Variants in ELAPOR2 observed in about 807,000 individuals in gnomAD.
ELAPOR2 encodes endosome-lysosome associated apoptosis and autophagy regulator family member 2, also known as endosome/lysosome-associated apoptosis and autophagy regulator family member 2.
A neutral mutation model predicts 120.7 loss-of-function variants in ELAPOR2; 89 were observed. That is an observed-to-expected ratio of 0.74 (90% CI 0.62 to 0.88). ELAPOR2 has a LOEUF of 0.88. ELAPOR2 is among the 40% of genes least tolerant of loss of function. The probability of loss-of-function intolerance (pLI) is 0.00; values close to 1 mark genes in which losing one functional copy is unlikely to be tolerated. For synonymous variants in ELAPOR2, 444 were observed against 444.9 expected (o/e 1.00, Z 0.03); for missense variants, 1,134 against 1,251.6 (o/e 0.91, Z 1.42).
At chr7:86,982,368 C>T (rs1356840209) in intron 1 of ELAPOR2, among the ~76,000 whole-genome samples, 1 of 152,208 alleles carries the variant, frequency 6.6e-6, no homozygotes, top group Admixed American at 6.5e-5. Context: ...CAAGTGGGTC[C>T]CTGACCTCCG....
chr7:86,948,302 C>T (rs1791088650), intron 2 of ELAPOR2, among the ~76,000 whole-genome samples: 1 of 152,206 alleles, frequency 6.6e-6, no homozygotes, highest in Non-Finnish European at 1.5e-5. Context: ...GCCCAATGGG[C>T]AGTCAGTTGT....
chr7:87,001,307 T>G (rs1793308115), intron 1 of ELAPOR2, among the ~76,000 whole-genome samples: 1 of 152,186 alleles, frequency 6.6e-6, no homozygotes, highest in Non-Finnish European at 1.5e-5. Context: ...TGTTCAGGAC[T>G]CTGGGATGAA....
At chr7:87,030,662 T>A (rs1794396065) in intron 1 of ELAPOR2, among the ~76,000 whole-genome samples, 1 of 152,092 alleles carries the variant, frequency 6.6e-6, no homozygotes. Flanking sequence ...AGTAGCTGAG[T>A]CTCAAATCAC....
At chr7:87,029,214 G>C (rs1794350202) in intron 1 of ELAPOR2, among the ~76,000 whole-genome samples, 3 of 152,106 alleles carry the variant, frequency 2.0e-5, no homozygotes, top group Admixed American at 2.0e-4. Flanking sequence ...CCGGTAACTA[G>C]GCCAGGGGTA....
intron 2 of ELAPOR2, among the ~76,000 whole-genome samples, chr7:86,963,054 C>T (rs1350187231): frequency 2.0e-5 from 3 of 152,144 alleles, no homozygotes; most frequent in Admixed American, 6.5e-5. Context: ...TAAGGGAATA[C>T]TTGGAAATTC....
intron 2 of ELAPOR2, among the ~76,000 whole-genome samples, chr7:86,955,289 T>C (rs1409188337): frequency 6.6e-6 from 1 of 152,154 alleles, no homozygotes; most frequent in East Asian, 1.9e-4. Flanking sequence ...AGTCAAACAG[T>C]ACATTAAAAC....
chr7:86,969,795 G>A (rs1208514890), intron 1 of ELAPOR2, among the ~76,000 whole-genome samples: 1 of 152,182 alleles, frequency 6.6e-6, no homozygotes, highest in African/African-American at 2.4e-5. Context: ...AGTAGAGTAT[G>A]TGCGGAAGAG....
chr7:86,958,330 G>A (rs954817438), intron 2 of ELAPOR2, among the ~76,000 whole-genome samples: 2 of 152,080 alleles, frequency 1.3e-5, no homozygotes, highest in African/African-American at 4.8e-5. Context: ...AATGAATGCA[G>A]GTAAAGCATT....
intron 21 of ELAPOR2, among the ~76,000 whole-genome samples, chr7:86,884,562 G>T (rs1214438811): frequency 6.6e-6 from 1 of 152,118 alleles, no homozygotes; most frequent in Non-Finnish European, 1.5e-5. Flanking sequence ...ATTTAAGTAT[G>T]CTTGAATTTT....
intron 17 of ELAPOR2, among the ~76,000 whole-genome samples, chr7:86,908,084 T>C (rs983941232): frequency 1.3e-5 from 2 of 151,858 alleles, no homozygotes; most frequent in Non-Finnish European, 2.9e-5. Flanking sequence ...TGCTTTGATA[T>C]ATGAATTATA....
intron 1 of ELAPOR2, among the ~76,000 whole-genome samples, chr7:87,051,397 A>G (rs1795099202): frequency 6.6e-6 from 1 of 152,238 alleles, no homozygotes; most frequent in African/African-American, 2.4e-5. Context: ...TTTTGTAAGT[A>G]AACAAATTTA....
At chr7:86,996,990 T>C (rs1249263923) in intron 1 of ELAPOR2, among the ~76,000 whole-genome samples, 2 of 152,188 alleles carry the variant, frequency 1.3e-5, no homozygotes, top group Non-Finnish European at 2.9e-5. Flanking sequence ...AGTCACAAAT[T>C]TACCTGTAGG....
intron 1 of ELAPOR2, among the ~76,000 whole-genome samples, chr7:87,018,382 CTAGA>C (rs2116690614): frequency 6.6e-6 from 1 of 152,222 alleles, no homozygotes; most frequent in Non-Finnish European, 1.5e-5. Flanking sequence ...AGAAAAAATG[CTAGA>C]TACTCACATA....
At chr7:87,016,754 G>A (rs1388410328) in intron 1 of ELAPOR2, among the ~76,000 whole-genome samples, 2 of 151,332 alleles carry the variant, frequency 1.3e-5, no homozygotes, top group African/African-American at 4.8e-5. Context: ...ACTACACAAC[G>A]TGGGTTCTGA....
intron 1 of ELAPOR2, among the ~76,000 whole-genome samples, chr7:86,972,322 G>C (rs1402846029): frequency 6.6e-6 from 1 of 152,104 alleles, no homozygotes; most frequent in Non-Finnish European, 1.5e-5. Flanking sequence ...ATCTGATTGG[G>C]AACCCGGGCA....
At chr7:87,029,165 A>G (rs1252904540) in intron 1 of ELAPOR2, among the ~76,000 whole-genome samples, 1 of 152,154 alleles carries the variant, frequency 6.6e-6, no homozygotes, top group African/African-American at 2.4e-5. Flanking sequence ...CATAATCTCC[A>G]TAAGAATGGA....
chr7:86,951,824 C>G, intron 2 of ELAPOR2, among the ~76,000 whole-genome samples: 1 of 152,106 alleles, frequency 6.6e-6, no homozygotes, highest in East Asian at 1.9e-4. Context: ...GTTGTTAATT[C>G]GTTAATGTTG....
chr7:87,049,438 T>C (rs1300547024), intron 1 of ELAPOR2, among the ~76,000 whole-genome samples: 1 of 152,078 alleles, frequency 6.6e-6, no homozygotes, highest in Non-Finnish European at 1.5e-5. Flanking sequence ...CCCGCCACCA[T>C]GCCTGGCTAA....
intron 1 of ELAPOR2, among the ~76,000 whole-genome samples, chr7:87,050,032 G>T (rs568970886): frequency 6.6e-6 from 1 of 152,220 alleles, no homozygotes; most frequent in South Asian, 2.1e-4. Flanking sequence ...ACCGTGGTAC[G>T]ACATAGCAAG....
Sources: gnomAD v4.1 joint callset for allele counts (sites outside exome capture counted in the v4.1 genomes callset) on GRCh38, gnomAD v4.1.1 for gene constraint, MANE v1.5 for transcripts, NCBI Gene and HGNC (gene_info 2026-07-23, HGNC 2026-07-21) for gene names.